Variants in PTPRD observed in about 807,000 individuals in gnomAD.
The protein encoded by PTPRD is receptor-type tyrosine-protein phosphatase delta.
In PTPRD, 34 loss-of-function variants were observed where a neutral mutation model predicts 214.5. The ratio of observed to expected loss-of-function variants is 0.16; its 90% confidence interval spans 0.12 to 0.21. The LOEUF is 0.21. PTPRD is among the 10% of genes least tolerant of loss of function. The pLI is 1.00. For synonymous variants in PTPRD, 1,128 were observed against 845.7 expected, an observed-to-expected ratio of 1.33 and a Z score of -5.79; for missense variants, 2,545 against 2,398.7, an observed-to-expected ratio of 1.06 and a Z score of -1.27.
chr9:9,513,223 A>G (rs1184468635), intron 8 of PTPRD, among the ~76,000 whole-genome samples: 4 of 152,018 alleles, frequency 2.6e-5, no homozygotes, highest in African/African-American at 9.7e-5. Context: ...TCAAACAACT[A>G]TAAAACAAAG....
At chr9:10,255,201 G>C (rs1027191528) in intron 3 of PTPRD, among the ~76,000 whole-genome samples, 1 of 152,114 alleles carries the variant, frequency 6.6e-6, no homozygotes, top group Non-Finnish European at 1.5e-5. Flanking sequence ...CTTAAGGAGG[G>C]GGATACATTC....
intron 4 of PTPRD, among the ~76,000 whole-genome samples, chr9:10,016,506 G>C (rs2096719471): frequency 6.6e-6 from 1 of 152,080 alleles, no homozygotes; most frequent in Admixed American, 6.5e-5. Context: ...GAAAGTTAGA[G>C]AAAGAACAGA....
intron 5 of PTPRD, among the ~76,000 whole-genome samples, chr9:9,906,143 T>C (rs772725674): frequency 3.0e-4 from 46 of 151,788 alleles, no homozygotes; most frequent in Admixed American, 1.2e-3. Flanking sequence ...AATCTAGTCA[T>C]GGGGGAAGAA....
intron 3 of PTPRD, among the ~76,000 whole-genome samples, chr9:10,186,835 A>C (rs1287551404): frequency 6.6e-6 from 1 of 152,040 alleles, no homozygotes; most frequent in African/African-American, 2.4e-5. Flanking sequence ...AACAAAAAAA[A>C]CTCTAAGATA....
intron 21 of PTPRD, among the ~76,000 whole-genome samples, chr9:8,513,398 T>G (rs1383446689): frequency 1.3e-5 from 2 of 152,070 alleles, no homozygotes; most frequent in African/African-American, 4.8e-5. Context: ...ACTTCTCTCT[T>G]AAACTCACTT....
At chr9:9,663,633 C>T (rs2096660229) in intron 7 of PTPRD, among the ~76,000 whole-genome samples, 1 of 151,606 alleles carries the variant, frequency 6.6e-6, no homozygotes, top group African/African-American at 2.4e-5. Context: ...TCATCACTGA[C>T]AACTCTCTCT....
intron 9 of PTPRD, among the ~76,000 whole-genome samples, chr9:9,363,977 G>A (rs1169162151): frequency 1.3e-5 from 2 of 151,198 alleles, no homozygotes; most frequent in Non-Finnish European, 3.0e-5. Context: ...CTGACACACG[G>A]CATTTTATGG....
chr9:10,439,495 G>A (rs377756347), intron 2 of PTPRD, among the ~76,000 whole-genome samples: 61 of 151,826 alleles, frequency 4.0e-4, no homozygotes, highest in African/African-American at 1.4e-3. Context: ...TTATTTACAA[G>A]GTAGTGGTCT....
rs186030915 is a variant in PTPRD, at chr9:8,552,892, T to A, written c.353-24113A>T. Among the ~76,000 whole-genome samples the A allele has an allele frequency of 1.5e-3, 235 of 152,294 alleles. 1 individual carries two copies. Among genetic ancestry groups the A allele is most frequent in the African/African-American group, 5.3e-3 (219 of 41,554 alleles). On this transcript the variant is annotated intron_variant, in intron 14 of 45. Coordinates refer to ENST00000381196, the MANE Select transcript of PTPRD (RefSeq NM_002839.4). ...TGTGAGCCCCACGACTGCCGCTGTG[T>A]GACAAACACTTCTGGAGAACAATTG...
chr9:9,322,489 A>C (rs949229289), intron 9 of PTPRD, among the ~76,000 whole-genome samples: 1 of 152,166 alleles, frequency 6.6e-6, no homozygotes, highest in Non-Finnish European at 1.5e-5. Flanking sequence ...CACCTTAAAT[A>C]TGTCACTATA....
intron 3 of PTPRD, among the ~76,000 whole-genome samples, chr9:10,152,554 G>T (rs1009745528): frequency 6.6e-6 from 1 of 152,148 alleles, no homozygotes; most frequent in African/African-American, 2.4e-5. Flanking sequence ...GGCCAGGTGT[G>T]GTGGCTCACG....
intron 8 of PTPRD, among the ~76,000 whole-genome samples, chr9:9,503,170 T>C (rs1180509286): frequency 1.3e-5 from 2 of 151,864 alleles, no homozygotes; most frequent in African/African-American, 4.8e-5. Flanking sequence ...AAATTGTAAT[T>C]TTCTCTCAGA....
intron 14 of PTPRD, among the ~76,000 whole-genome samples, chr9:8,544,141 G>A (rs2079211469): frequency 6.7e-6 from 1 of 150,216 alleles, no homozygotes; most frequent in Admixed American, 6.6e-5. Flanking sequence ...TTAGGCTGGT[G>A]CAAAAGTAAG....
intron 9 of PTPRD, among the ~76,000 whole-genome samples, chr9:9,255,483 C>G (rs887136099): frequency 6.6e-6 from 1 of 151,986 alleles, no homozygotes; most frequent in Non-Finnish European, 1.5e-5. Flanking sequence ...ATCTCTAAAA[C>G]CATTCCACTA....
At chr9:10,096,856 G>A (rs1005452012) in intron 3 of PTPRD, among the ~76,000 whole-genome samples, 1 of 151,772 alleles carries the variant, frequency 6.6e-6, no homozygotes, top group Non-Finnish European at 1.5e-5. Context: ...TTTCTTCTAG[G>A]GTTTTTATGC....
rs761564011 is a variant in PTPRD at position 8,891,137 on chromosome 9, A to ATTTTTTTTTTTTTTTTTTTTTT, written c.-104+127559_-104+127560insAAAAAAAAAAAAAAAAAAAAAA. The stretch of plus-strand genomic sequence containing the variant: ...AACTTCTGTGCTTTGAATTAATCTA[A>ATTTTTTTTTTTTTTTTTTTTTT]TTTTTTTTTTTTTTGAGACTGAGTC... On this transcript the variant is annotated intron_variant, in intron 11 of 45. Coordinates refer to ENST00000381196, the MANE Select transcript of PTPRD (RefSeq NM_002839.4). 7.1e-4 allele frequency among the ~76,000 whole-genome samples: 88 copies of ATTTTTTTTTTTTTTTTTTTTTT among 123,598 alleles called. 11 individuals are homozygous for ATTTTTTTTTTTTTTTTTTTTTT. Among genetic ancestry groups the ATTTTTTTTTTTTTTTTTTTTTT allele is most frequent in the African/African-American group, 2.6e-3 (82 of 31,632 alleles). The allele number at this position is 123,598 out of a possible 152,430, so 81.1% of individuals were successfully genotyped here.
intron 11 of PTPRD, among the ~76,000 whole-genome samples, chr9:8,851,726 T>C (rs190758143): frequency 6.6e-6 from 1 of 152,310 alleles, no homozygotes; most frequent in African/African-American, 2.4e-5. Context: ...TGGATATTCA[T>C]TACATGTATG....
intron 10 of PTPRD, among the ~76,000 whole-genome samples, chr9:9,158,624 A>C (rs2099883464): frequency 6.6e-6 from 1 of 152,038 alleles, no homozygotes; most frequent in African/African-American, 2.4e-5. Context: ...AAATAAATAA[A>C]AATAATAAAG....
At chr9:8,942,278 T>C (rs1023987089) in intron 11 of PTPRD, among the ~76,000 whole-genome samples, 1 of 152,164 alleles carries the variant, frequency 6.6e-6, no homozygotes, top group Non-Finnish European at 1.5e-5. Context: ...TCTGGTGCAA[T>C]TGTTAGGTTT....
Sources: allele counts gnomAD v4.1 joint callset (sites outside exome capture counted in the v4.1 genomes callset), GRCh38; gene constraint gnomAD v4.1.1; transcripts MANE v1.5; gene names NCBI Gene and HGNC (gene_info 2026-07-23, HGNC 2026-07-21).